The following SBF2 variants were observed in gnomAD, a reference collection of about 807,000 sequenced individuals.
The protein encoded by SBF2 is myotubularin-related protein 13.
Under a neutral mutation model 225.2 loss-of-function variants are expected in SBF2, and 112 were observed. That is an observed-to-expected ratio of 0.50 (90% confidence interval 0.43 to 0.58). The LOEUF is 0.58. SBF2 is among the 20% of genes least tolerant of loss of function. The pLI, the probability that SBF2 is intolerant of heterozygous loss-of-function variation, is 0.00. For missense variants in SBF2, 1,996 were observed against 2,206.2 expected, an observed-to-expected ratio of 0.90 and a Z score of 1.91; for synonymous variants, 763 against 773.3, an observed-to-expected ratio of 0.99 and a Z score of 0.22.
At chr11:10,101,619 T>C (rs1475948756) in intron 2 of SBF2, among the ~76,000 whole-genome samples, 2 of 151,794 alleles carry the variant, frequency 1.3e-5, no homozygotes, top group Non-Finnish European at 2.9e-5. Flanking sequence ...TAAGAAATTC[T>C]TACCAGTCAA....
At chr11:9,849,056 T>C (rs1037593464) in intron 22 of SBF2, among the ~76,000 whole-genome samples, 2 of 152,242 alleles carry the variant, frequency 1.3e-5, no homozygotes, top group East Asian at 3.8e-4. Context: ...CGTGACCATT[T>C]AGCCCAGTGG....
intron 16 of SBF2, among the ~76,000 whole-genome samples, chr11:9,932,343 G>A (rs961921042): frequency 2.0e-5 from 3 of 152,258 alleles, no homozygotes; most frequent in Admixed American, 2.0e-4. Context: ...ATTCATCAAG[G>A]TTGAAATGAA....
chr11:10,224,877 G>C (rs1958477931), intron 1 of SBF2, among the ~76,000 whole-genome samples: 1 of 152,156 alleles, frequency 6.6e-6, no homozygotes, highest in African/African-American at 2.4e-5. Context: ...AGCTCCATGA[G>C]AACAGGGACC....
At chr11:10,219,934 A>C (rs1958281382) in intron 1 of SBF2, among the ~76,000 whole-genome samples, 1 of 152,082 alleles carries the variant, frequency 6.6e-6, no homozygotes, top group East Asian at 1.9e-4. Flanking sequence ...GAGCCCTCTA[A>C]ACTATTCCAA....
intron 6 of SBF2, among the ~76,000 whole-genome samples, chr11:10,011,652 T>C (rs957129187): frequency 6.6e-6 from 1 of 152,244 alleles, no homozygotes; most frequent in Admixed American, 6.5e-5. Context: ...GGTATTTTTT[T>C]CTTTCAGTGC....
chr11:10,092,339 G>C (rs951363472), intron 2 of SBF2, among the ~76,000 whole-genome samples: 10 of 151,954 alleles, frequency 6.6e-5, no homozygotes, highest in African/African-American at 2.2e-4. Context: ...AATTTTTATT[G>C]TTATATTTAG....
chr11:10,109,187 G>GTATATA (rs58064960), intron 2 of SBF2, among the ~76,000 whole-genome samples: 15,349 of 149,940 alleles, frequency 0.1, 861 homozygotes, highest in Non-Finnish European at 0.11. Flanking sequence ...AGGTATGTGT[G>GTATATA]TATATATATA....
intron 27 of SBF2, 48 bp downstream of exon 27, chr11:9,832,176 C>T: frequency 6.6e-7 from 1 of 1,526,604 alleles, no homozygotes; most frequent in Non-Finnish European, 9.1e-7. Flanking sequence ...ATTTTTAGCA[C>T]TGTCCTTATG....
chr11:10,231,582 C>T (rs1024356037), intron 1 of SBF2, among the ~76,000 whole-genome samples: 1 of 152,200 alleles, frequency 6.6e-6, no homozygotes, highest in Non-Finnish European at 1.5e-5. Context: ...ACTCCAGACC[C>T]TGTTTGCCTC....
At chr11:9,892,743 G>C (rs1342932767) in intron 17 of SBF2, among the ~76,000 whole-genome samples, 3 of 152,004 alleles carry the variant, frequency 2.0e-5, no homozygotes, top group Non-Finnish European at 4.4e-5. Context: ...ATTTTTAGTA[G>C]AGATGGGGAT....
At chr11:10,102,801 T>C (rs956246946) in intron 2 of SBF2, among the ~76,000 whole-genome samples, 16 of 152,232 alleles carry the variant, frequency 1.1e-4, no homozygotes, top group African/African-American at 3.9e-4. Flanking sequence ...AAAATTTATC[T>C]GCTGTTTAAC....
chr11:9,971,996 G>C lies in SBF2; in HGVS notation c.1396-3451C>G, dbSNP rs574713538. Among the ~76,000 whole-genome samples, 26 of 152,314 alleles carry C rather than the reference G, an allele frequency of 1.7e-4. No individual in the cohort carries two copies. The South Asian group carries it at 5.2e-3, about 30-fold the overall frequency. The stretch of plus-strand genomic sequence containing the variant: ...AAAATATGATAGAGATAGGTGGCAT[G>C]ACAATTCAGGGGGAAAGGTTAGACA... On this transcript the variant is annotated intron_variant, in intron 13 of 39. Coordinates refer to ENST00000256190, the MANE Select transcript of SBF2 (RefSeq NM_030962.4).
At chr11:10,085,877 A>G (rs750927857) in intron 2 of SBF2, among the ~76,000 whole-genome samples, 7 of 151,864 alleles carry the variant, frequency 4.6e-5, no homozygotes, top group Non-Finnish European at 1.0e-4. Context: ...CACCAGTTAT[A>G]CTGTACACAT....
intron 1 of SBF2, among the ~76,000 whole-genome samples, chr11:10,231,380 C>T (rs185872422): frequency 6.6e-5 from 10 of 152,300 alleles, no homozygotes; most frequent in Admixed American, 2.6e-4. Flanking sequence ...GGAGGAGAAG[C>T]GCTCTGATTT....
chr11:9,828,353 T>C (rs1324319444), intron 28 of SBF2: 1 of 1,166,082 alleles, frequency 8.6e-7, no homozygotes, highest in African/African-American at 1.6e-5. Context: ...CCCAAAGCTT[T>C]ATTAGAGATA....
At chr11:9,811,638 C>G (rs148267367) in intron 30 of SBF2, among the ~76,000 whole-genome samples, 8 of 152,168 alleles carry the variant, frequency 5.3e-5, no homozygotes, top group African/African-American at 1.9e-4. Flanking sequence ...ACATTTATAG[C>G]CAAATATTTA....
chr11:9,908,639 T>A (rs1862311353), intron 16 of SBF2, among the ~76,000 whole-genome samples: 1 of 149,698 alleles, frequency 6.7e-6, no homozygotes, highest in African/African-American at 2.4e-5. Context: ...AAAAAAAAAG[T>A]CTTATCTTTA....
chr11:10,226,454 G>A (rs187045949), intron 1 of SBF2, among the ~76,000 whole-genome samples: 13 of 151,996 alleles, frequency 8.6e-5, no homozygotes, highest in Admixed American at 8.5e-4. Flanking sequence ...AGCATTAGGT[G>A]TATCTCCTAA....
intron 2 of SBF2, among the ~76,000 whole-genome samples, chr11:10,151,922 A>G (rs1056850498): frequency 1.3e-5 from 2 of 152,202 alleles, no homozygotes; most frequent in Non-Finnish European, 2.9e-5. Context: ...AACGTTCAGG[A>G]ACACATACTT....
Sources: allele counts gnomAD v4.1 joint callset (sites outside exome capture counted in the v4.1 genomes callset), GRCh38; gene constraint gnomAD v4.1.1; transcripts MANE v1.5; gene names NCBI Gene and HGNC (gene_info 2026-07-23, HGNC 2026-07-21).